Variants in TMEM108 observed in about 807,000 individuals in gnomAD.
TMEM108 encodes the protein cancer/testis antigen 124.
TMEM108 carries 12 observed loss-of-function variants against 35.1 expected under a neutral mutation model. The observed-to-expected ratio is 0.34, with a 90% CI of 0.22 to 0.55. The LOEUF (loss-of-function observed/expected upper bound fraction) is 0.55, where lower values mean the gene tolerates loss of function less well. Ranked by LOEUF, TMEM108 falls within the 20% of genes least tolerant of loss-of-function variation. The pLI is 0.89. For synonymous variants in TMEM108, 287 were observed against 308.6 expected (o/e 0.93, Z 0.73); for missense variants, 680 against 753.3 (o/e 0.90, Z 1.14).
intron 2 of TMEM108, among the ~76,000 whole-genome samples, chr3:133,201,314 A>G (rs1261450594): frequency 6.6e-6 from 1 of 152,080 alleles, no homozygotes; most frequent in East Asian, 1.9e-4. Context: ...AAAAAAATTT[A>G]TACTTTAAGT....
intron 3 of TMEM108, among the ~76,000 whole-genome samples, chr3:133,371,873 TC>T (rs2072687455): frequency 6.6e-6 from 1 of 152,322 alleles, no homozygotes; most frequent in Non-Finnish European, 1.5e-5. Context: ...TCAGACATGG[TC>T]CCAGCCCTGG....
At chr3:133,070,745 ATGTG>A (rs10530634) in intron 2 of TMEM108, among the ~76,000 whole-genome samples, 2,622 of 148,398 alleles carry the variant, frequency 0.018, 83 homozygotes, top group African/African-American at 0.06. Context: ...TCTCTGATGT[ATGTG>A]TGTGTGTGTG....
chr3:133,357,475 A>G (rs1157736872), intron 3 of TMEM108, among the ~76,000 whole-genome samples: 2 of 152,210 alleles, frequency 1.3e-5, no homozygotes, highest in African/African-American at 4.8e-5. Flanking sequence ...ATACGAGCAC[A>G]TGCATGTTTA....
At chr3:133,309,682 CTTTTTTTTTTTTTTTTTTTTTTTTTT>C (rs148272827) in intron 3 of TMEM108, among the ~76,000 whole-genome samples, 1 of 69,138 alleles carries the variant, frequency 1.4e-5, no homozygotes, top group Non-Finnish European at 2.8e-5. Context: ...GAGTGAGTTT[CTTTTTTTTTTTTTTTTTTTTTTTTTT>C]TTTTTTTTTT....
chr3:133,228,140 T>C (rs1946101043), intron 2 of TMEM108, among the ~76,000 whole-genome samples: 1 of 151,772 alleles, frequency 6.6e-6, no homozygotes, highest in Admixed American at 6.6e-5. Flanking sequence ...TCCCAATCAC[T>C]GAATTGTATA....
chr3:133,381,064 C>T lies in TMEM108; in HGVS notation c.1353C>T (p.Ala451=), dbSNP rs749424643. 35 of 1,614,032 alleles carry T rather than the reference C, an allele frequency of 2.2e-5. No homozygotes were observed. The highest frequency in any genetic ancestry group is 2.5e-5 in the Non-Finnish European group (30 of 1,180,032). Residue 451 remains alanine (A), a synonymous_variant, in exon 4 of 6, where the codon GCC becomes GCT. Transcript: ENST00000321871. ...CAGCAGGGAACATCTCCCATGTGGC[C>T]GAGGGGGACAAACCGCAGCACAGAG... is the stretch of plus-strand genomic sequence containing the variant. The part of the protein sequence containing the change: ...PGTAGNISHV[A]EGDKPQHRAT...
rs779709001 is a variant in TMEM108 at position 133,380,055 on chromosome 3, C to T, written c.344C>T (p.Thr115Ile). 62 of 1,613,876 alleles carry T rather than the reference C, an allele frequency of 3.8e-5. 1 individual carries two copies. The Middle Eastern group carries it at 4.9e-4, about 13-fold the overall frequency. ...CCCCATTCTGAAAGCTCCCTGTCCA[C>T]AGGGCCCGCTCCAGCAGCCATGGCA... ...TAPHSESSLSTGPAPAAMATT... is the reference protein window; with the variant it reads ...TAPHSESSLSIGPAPAAMATT... The change falls in exon 4 of 6, where the codon ACA becomes ATA. Residue 115 changes from threonine to isoleucine, a missense_variant. Physicochemically the swap from Thr to Ile is moderately conservative, Grantham distance 89 (BLOSUM62 -1). Around this residue, in one of 3 missense-constraint regions of TMEM108, gnomAD observed 526 missense variants for 532.1 expected, o/e 0.99. Coordinates refer to ENST00000321871, the MANE Select transcript of TMEM108 (RefSeq NM_023943.4). This position sits in a 1 kb window ranked among gnomAD's most constrained non-coding sequence, Gnocchi z 5.3.
intron 2 of TMEM108, among the ~76,000 whole-genome samples, chr3:133,192,378 G>A (rs1416223499): frequency 1.3e-5 from 2 of 152,202 alleles, no homozygotes; most frequent in East Asian, 1.9e-4. Context: ...GGAGGTGTCC[G>A]TAGTTAGAGG....
intron 2 of TMEM108, among the ~76,000 whole-genome samples, chr3:133,112,710 A>G (rs1359672641): frequency 6.6e-6 from 1 of 152,208 alleles, no homozygotes; most frequent in African/African-American, 2.4e-5. Flanking sequence ...AATGGGTTCT[A>G]TAATTAAGCA....
chr3:133,185,609 G>T (rs767832303), intron 2 of TMEM108, among the ~76,000 whole-genome samples: 1 of 151,380 alleles, frequency 6.6e-6, no homozygotes, highest in African/African-American at 2.4e-5. Context: ...CAGGTTTGTA[G>T]AGCCAGAAAT....
In TMEM108 at chr3:133,307,643, T is replaced by G. The variant is rs184754446; in HGVS notation, c.41-72109T>G. 3.9e-3 allele frequency among the ~76,000 whole-genome samples: 590 copies of G among 152,254 alleles called. 11 individuals are homozygous for G. Among genetic ancestry groups the G allele is most frequent in the African/African-American group, 0.014 (571 of 41,520 alleles). On this transcript the variant is annotated intron_variant, in intron 3 of 5. Coordinates refer to ENST00000321871, the MANE Select transcript of TMEM108 (RefSeq NM_023943.4). ...TTAAATAGGGAATCCTTTCCCCATTTCTTGTTTTTGTCAGGTTTGTCAAAG... is the reference window on the plus strand; with the variant it reads ...TTAAATAGGGAATCCTTTCCCCATTGCTTGTTTTTGTCAGGTTTGTCAAAG...
intron 4 of TMEM108, chr3:133,388,173 C>G: frequency 1.0e-6 from 1 of 985,504 alleles, no homozygotes; most frequent in Non-Finnish European, 1.2e-6. Context: ...CCAGATGGTT[C>G]CCTCTTTATG....
intron 4 of TMEM108, among the ~76,000 whole-genome samples, chr3:133,381,589 A>C (rs1051742599): frequency 6.6e-6 from 1 of 152,178 alleles, no homozygotes; most frequent in Non-Finnish European, 1.5e-5. Context: ...TGCCTCTAGC[A>C]ACCTGGCACC....
intron 3 of TMEM108, among the ~76,000 whole-genome samples, chr3:133,366,894 C>T (rs768904198): frequency 3.9e-5 from 6 of 152,188 alleles, no homozygotes; most frequent in Non-Finnish European, 7.3e-5. Flanking sequence ...AAGAGACCTG[C>T]AGCCAGCAAA....
intron 3 of TMEM108, among the ~76,000 whole-genome samples, chr3:133,360,007 TAAAAAA>T (rs59374214): frequency 1.8e-5 from 2 of 112,922 alleles, no homozygotes; most frequent in Non-Finnish European, 3.5e-5. Context: ...ACTCAACAGT[TAAAAAA>T]AAAAAAAAAA....
intron 2 of TMEM108, among the ~76,000 whole-genome samples, chr3:133,142,374 A>C (rs1944653236): frequency 1.3e-5 from 2 of 152,238 alleles, no homozygotes; most frequent in South Asian, 4.1e-4. Flanking sequence ...GGATAGAAAC[A>C]GCATTTGAGG....
chr3:133,281,262 C>T lies in TMEM108; in HGVS notation c.40+51911C>T, dbSNP rs75714405. ...ATGTTTAAATATAGTCAGATCAAAG[C>T]GGGAAAATGAGAGCCAGGGCCTGGT... On this transcript the variant is annotated intron_variant, in intron 3 of 5. Coordinates refer to ENST00000321871, the MANE Select transcript of TMEM108 (RefSeq NM_023943.4). Among the ~76,000 whole-genome samples, 1,250 of 152,134 alleles carry T rather than the reference C, an allele frequency of 8.2e-3. 19 individuals carry two copies. Among genetic ancestry groups the T allele is most frequent in the African/African-American group, 0.028 (1,175 of 41,490 alleles).
chr3:133,231,713 C>G (rs984078577), intron 3 of TMEM108, among the ~76,000 whole-genome samples: 7 of 152,132 alleles, frequency 4.6e-5, no homozygotes, highest in Non-Finnish European at 1.0e-4. Context: ...TAACAGTTAT[C>G]TTTAGTCTGC....
At chr3:133,071,805 A>G (rs1943679192) in intron 2 of TMEM108, among the ~76,000 whole-genome samples, 1 of 151,978 alleles carries the variant, frequency 6.6e-6, no homozygotes. Context: ...CACTCTACTG[A>G]TATTGTTGTT....
Sources: gnomAD v4.1 joint callset for allele counts (sites outside exome capture counted in the v4.1 genomes callset) on GRCh38, gnomAD v4.1.1 for gene constraint, gnomAD v4.1.1 regional missense constraint, Gnocchi (gnomAD v3.1) non-coding constraint, MANE v1.5 for transcripts, NCBI Gene and HGNC (gene_info 2026-07-23, HGNC 2026-07-21) for gene names.